Variants in SYNE3 observed in about 807,000 individuals in gnomAD.
The protein encoded by SYNE3 is spectrin repeat containing nuclear envelope family member 3, also known as nesprin-3.
SYNE3 carries 100 observed loss-of-function variants against 111.2 expected under a neutral mutation model. The observed-to-expected ratio is 0.90, with a 90% CI of 0.77 to 1.06. The LOEUF is 1.06. Ranked by LOEUF, SYNE3 falls within the 50% of genes least tolerant of loss-of-function variation. The probability of loss-of-function intolerance (pLI) is 0.00; values close to 1 mark genes in which losing one functional copy is unlikely to be tolerated. For missense variants in SYNE3, 1,160 were observed against 1,240.3 expected (o/e 0.94, Z 0.97); for synonymous variants, 547 against 533.9 (o/e 1.02, Z -0.34).
At chr14:95,461,276 C>G (rs1379565239) in intron 4 of SYNE3, among the ~76,000 whole-genome samples, 1 of 152,180 alleles carries the variant, frequency 6.6e-6, no homozygotes. Flanking sequence ...CAGACAGACG[C>G]GCCTTCTGTG....
At chr14:95,442,155 G>C (rs11624688) in intron 11 of SYNE3, among the ~76,000 whole-genome samples, 1 of 151,944 alleles carries the variant, frequency 6.6e-6, no homozygotes, top group African/African-American at 2.4e-5. Context: ...TGATCAAAGT[G>C]CTATCAAGCG....
At chr14:95,429,007 A>G (rs1885589588) in intron 17 of SYNE3, among the ~76,000 whole-genome samples, 1 of 152,244 alleles carries the variant, frequency 6.6e-6, no homozygotes, top group African/African-American at 2.4e-5. Context: ...GCAAGATTAC[A>G]GCCTCTGAAG....
intron 5 of SYNE3, chr14:95,456,004 C>A (rs1216753500): frequency 2.3e-6 from 1 of 443,582 alleles, no homozygotes; most frequent in East Asian, 3.2e-5. Context: ...CACTTTCTGA[C>A]ATTTGTTTAT....
intron 1 of SYNE3, among the ~76,000 whole-genome samples, chr14:95,512,880 T>C (rs1890772866): frequency 6.6e-6 from 1 of 151,678 alleles, no homozygotes; most frequent in African/African-American, 2.4e-5. Flanking sequence ...AATACATACA[T>C]AAAATAAATA....
intron 17 of SYNE3, among the ~76,000 whole-genome samples, chr14:95,430,510 T>C (rs925703161): frequency 6.6e-6 from 1 of 152,218 alleles, no homozygotes; most frequent in African/African-American, 2.4e-5. Flanking sequence ...GTTCATGAAG[T>C]AAATAAGGTT....
rs1412059153 is a variant in SYNE3, at chr14:95,465,931, C to G, written c.627G>C (p.Gln209His). The change falls in exon 4 of 18, where the codon CAG becomes CAC. Residue 209 changes from glutamine to histidine, a missense_variant and splice_region_variant. Transcript: ENST00000682763. ...GTAGCCCACTCAGCCTCACCCTCAC[C>G]TGGGCCTTGGCCTTCACTGCATCGT... ...AEYDAVKAKA[Q>H]KRVDLLEQVA... 1 of 1,569,866 alleles carries G rather than the reference C, an allele frequency of 6.4e-7. No homozygotes were observed. The highest frequency in any genetic ancestry group is 1.3e-5 in the African/African-American group (1 of 74,290).
rs200146914 is a variant in SYNE3 at position 95,437,023 on chromosome 14, C to T, written c.2377-42G>A. The stretch of plus-strand genomic sequence containing the variant: ...GGCCAAAGCGTCAGAGGTGAAAGAG[C>T]CCCCCTGGCCATGTGTCCTGGGAAT... On this transcript the variant is annotated intron_variant, in intron 14 of 17. Transcript: ENST00000682763. 11 of 1,611,390 alleles carry T rather than the reference C, an allele frequency of 6.8e-6. No individual in the cohort carries two copies. In the African/African-American group the frequency reaches 8.0e-5, roughly 12 times the overall value.
intron 1 of SYNE3, among the ~76,000 whole-genome samples, chr14:95,509,006 G>A (rs1890626768): frequency 6.6e-6 from 1 of 152,248 alleles, no homozygotes; most frequent in Non-Finnish European, 1.5e-5. Flanking sequence ...TTTAATAATA[G>A]TAGTAATAAT....
intron 2 of SYNE3, among the ~76,000 whole-genome samples, chr14:95,469,667 A>G (rs1888405010): frequency 6.6e-6 from 1 of 152,040 alleles, no homozygotes; most frequent in Admixed American, 6.6e-5. Context: ...GCCGTGATCA[A>G]ACCACTACGC....
At chr14:95,440,139 C>T (rs910790) in intron 11 of SYNE3, 64 bp from the exon 12 acceptor site, 571,094 of 1,510,880 alleles carry the variant, frequency 0.38, 112,718 homozygotes, top group East Asian at 0.6. Context: ...ACCCCCGCAC[C>T]ACCCCCACCC....
intron 14 of SYNE3, chr14:95,438,248 TTAAA>T (rs1886208700): frequency 1.3e-5 from 2 of 152,276 alleles, no homozygotes; most frequent in Admixed American, 6.5e-5. Context: ...CAGTTAATTT[TTAAA>T]TATTTTTTAT....
chr14:95,423,743 G>T (rs1595173692), intron 17 of SYNE3, among the ~76,000 whole-genome samples: 2 of 124,380 alleles, frequency 1.6e-5, no homozygotes, highest in Non-Finnish European at 3.5e-5. Context: ...GATGGGGATG[G>T]GGATTTGATG....
At chr14:95,425,530 A>G (rs1224337848) in intron 17 of SYNE3, among the ~76,000 whole-genome samples, 1 of 152,226 alleles carries the variant, frequency 6.6e-6, no homozygotes, top group Non-Finnish European at 1.5e-5. Flanking sequence ...GCTACTGGTC[A>G]TTAGACCTTT....
intron 1 of SYNE3, among the ~76,000 whole-genome samples, chr14:95,478,573 C>T (rs542019645): frequency 6.6e-6 from 1 of 152,326 alleles, no homozygotes; most frequent in Non-Finnish European, 1.5e-5. Flanking sequence ...CGAGGTAAGC[C>T]AGCCTCCCAC....
intron 1 of SYNE3, among the ~76,000 whole-genome samples, chr14:95,488,784 CA>C: frequency 6.7e-6 from 1 of 148,698 alleles, no homozygotes; most frequent in Non-Finnish European, 1.5e-5. Flanking sequence ...AAAGTGGCTG[CA>C]CCTCTTTACA....
intron 1 of SYNE3, among the ~76,000 whole-genome samples, chr14:95,513,316 T>C (rs1890787847): frequency 6.6e-6 from 1 of 152,174 alleles, no homozygotes; most frequent in Admixed American, 6.5e-5. Flanking sequence ...CTTTTATAAT[T>C]GCCTTAGCAG....
intron 15 of SYNE3, 92 bp downstream of exon 15, chr14:95,436,727 TG>T: frequency 7.0e-7 from 1 of 1,418,660 alleles, no homozygotes; most frequent in African/African-American, 1.4e-5. Context: ...TCACAAACTG[TG>T]GGTGTGTTCC....
In SYNE3 at chr14:95,497,318, C is replaced by T. The variant is rs189422872; in HGVS notation, c.-15+19278G>A. Among the ~76,000 whole-genome samples, 5 of 152,350 alleles carry T rather than the reference C, an allele frequency of 3.3e-5. No individual in the cohort carries two copies. In the East Asian group the frequency reaches 9.6e-4, roughly 29 times the overall value. ...ATCTGTAATATGGGGATGGTATTAG[C>T]ATAAACTTCTCACTGCAGATCTGAA... On this transcript the variant is annotated intron_variant, in intron 1 of 17. Transcript: ENST00000682763.
chr14:95,496,688 C>T (rs1404324795), intron 1 of SYNE3, among the ~76,000 whole-genome samples: 6 of 152,262 alleles, frequency 3.9e-5, no homozygotes, highest in African/African-American at 1.2e-4. Context: ...TCCATCATTA[C>T]ATTCTCATTG....
Sources: gnomAD v4.1 joint callset for allele counts (sites outside exome capture counted in the v4.1 genomes callset) on GRCh38, gnomAD v4.1.1 for gene constraint, MANE v1.5 for transcripts, NCBI Gene and HGNC (gene_info 2026-07-23, HGNC 2026-07-21) for gene names.